The following CLK4 variants were observed in gnomAD, a reference collection of about 807,000 sequenced individuals.
CLK4 encodes CDC like kinase 4.
In CLK4, 37 loss-of-function variants were observed where a neutral mutation model predicts 64.4. The ratio of observed to expected loss-of-function variants is 0.57; its 90% CI spans 0.44 to 0.76. The LOEUF (loss-of-function observed/expected upper bound fraction) is 0.76, where lower values mean the gene tolerates loss of function less well. Among genes scored for constraint, CLK4 ranks in the 30% least tolerant of loss-of-function variants. The pLI is 0.00. For missense variants in CLK4, 457 were observed against 605.1 expected (o/e 0.76, Z 2.57); for synonymous variants, 175 against 191.6 (o/e 0.91, Z 0.72).
At chr5:178,615,606 G>A (rs1400745743) in intron 5 of CLK4, among the ~76,000 whole-genome samples, 1 of 152,196 alleles carries the variant, frequency 6.6e-6, no homozygotes, top group Admixed American at 6.5e-5. Context: ...TATGGATGAT[G>A]GTAGGTATCA....
intron 2 of CLK4, chr5:178,620,167 T>C: frequency 3.5e-6 from 1 of 288,648 alleles, no homozygotes; most frequent in Non-Finnish European, 7.1e-6. Context: ...GTTGTATTTA[T>C]TGGAGAAACA....
chr5:178,624,891 T>C (rs979396444), intron 1 of CLK4, among the ~76,000 whole-genome samples: 1 of 152,144 alleles, frequency 6.6e-6, no homozygotes, highest in African/African-American at 2.4e-5. Flanking sequence ...GCCATCAGAG[T>C]CTGATTGCCA....
chr5:178,605,949 A>G (rs1764461465), intron 10 of CLK4: 1 of 152,206 alleles, frequency 6.6e-6, no homozygotes, highest in Admixed American at 6.5e-5. Flanking sequence ...TTTTGTAAAA[A>G]CAGGCACCAG....
At chr5:178,625,949 A>T (rs530363081) in intron 1 of CLK4, among the ~76,000 whole-genome samples, 2 of 152,346 alleles carry the variant, frequency 1.3e-5, no homozygotes, top group African/African-American at 4.8e-5. Flanking sequence ...ATCTAGAATC[A>T]TGACACTGCC....
chr5:178,607,194 AT>A (rs1764479689), intron 10 of CLK4, among the ~76,000 whole-genome samples: 2 of 151,408 alleles, frequency 1.3e-5, no homozygotes, highest in South Asian at 4.2e-4. Context: ...AACCATTTTC[AT>A]TTTGGACCAG....
At chr5:178,625,567 ATC>A in intron 1 of CLK4, among the ~76,000 whole-genome samples, 2 of 152,298 alleles carry the variant, frequency 1.3e-5, no homozygotes, top group Middle Eastern at 6.8e-3. Context: ...GCAAAATCAC[ATC>A]TGATGACCGA....
In CLK4 at chr5:178,603,288, C is replaced by A. The variant is rs1451404570; in HGVS notation, c.*329G>T. Reference sequence around the variant, plus strand: ...AAGAATATAAAGTAGTCAAGATTTCCTTTTACTCAAAAAAAATCACTTCAG... The same window carrying A: ...AAGAATATAAAGTAGTCAAGATTTCATTTTACTCAAAAAAAATCACTTCAG... On this transcript the variant is annotated 3_prime_UTR_variant, in exon 13 of 13. Coordinates refer to ENST00000316308, the MANE Select transcript of CLK4 (RefSeq NM_020666.3). The A allele has an allele frequency of 6.1e-6, 1 of 163,154 alleles. No individual in the cohort carries two copies. Among genetic ancestry groups the A allele is most frequent in the Non-Finnish European group, 1.3e-5 (1 of 75,386 alleles). The allele number at this position is 163,154 out of a possible 1,614,324, so 10.1% of individuals were successfully genotyped here. A position where few individuals can be genotyped will look rare whatever the true frequency, so the allele number is the denominator to read the frequency against.
At chr5:178,603,778 T>A (rs1274238439) in intron 12 of CLK4, 21 bp from the exon 13 acceptor site, 1 of 1,578,882 alleles carries the variant, frequency 6.3e-7, no homozygotes, top group Non-Finnish European at 8.6e-7. Context: ...AATGTTTTTG[T>A]TTTAAAAAAA....
At chr5:178,615,603 G>T (rs1191788419) in intron 5 of CLK4, among the ~76,000 whole-genome samples, 1 of 152,214 alleles carries the variant, frequency 6.6e-6, no homozygotes, top group African/African-American at 2.4e-5. Flanking sequence ...GTTTATGGAT[G>T]ATGGTAGGTA....
intron 3 of CLK4, chr5:178,618,016 G>A (rs1764648322): frequency 6.7e-6 from 1 of 149,070 alleles, no homozygotes; most frequent in South Asian, 2.1e-4. Context: ...ATGTCTGAGT[G>A]TTAAAAAAAA....
intron 11 of CLK4, 124 bp from the exon 12 acceptor site, chr5:178,604,058 G>T: frequency 1.7e-6 from 1 of 605,522 alleles, no homozygotes. Flanking sequence ...TAATATAGAT[G>T]CATACAATTT....
intron 3 of CLK4, 157 bp downstream of exon 3, chr5:178,618,397 TTG>T (rs1324176732): frequency 3.9e-6 from 1 of 254,342 alleles, no homozygotes; most frequent in Non-Finnish European, 7.1e-6. Context: ...CTACAAGAAT[TTG>T]GAGGTTTCCT....
rs1764452037 is a variant in CLK4, at chr5:178,605,314, AATC to A, written c.1200_1202del (p.Met400del). The stretch of plus-strand genomic sequence containing the variant: ...ATCTTAAAACATACCTTGTTTTCTG[AATC>A]ATGTGTTGTGGTATGGGTCCTAATA... On this transcript the variant is annotated inframe_deletion, in exon 11 of 13. Coordinates refer to ENST00000316308, the MANE Select transcript of CLK4 (RefSeq NM_020666.3). 1 of 1,580,244 alleles carries A rather than the reference AATC, an allele frequency of 6.3e-7. No individual in the cohort carries two copies. Among genetic ancestry groups the A allele is most frequent in the Non-Finnish European group, 8.6e-7 (1 of 1,166,654 alleles).
intron 1 of CLK4, among the ~76,000 whole-genome samples, 149 bp downstream of exon 1, chr5:178,626,794 TGCC>T: frequency 6.6e-6 from 1 of 152,208 alleles, no homozygotes; most frequent in South Asian, 2.1e-4. Context: ...CTTTCGGTGC[TGCC>T]GGCGTGCACC....
In CLK4 at chr5:178,617,201, GAAGA is replaced by G. The variant is rs1447118908; in HGVS notation, c.475+139_475+142del. On this transcript the variant is annotated intron_variant, in intron 4 of 12. Transcript: ENST00000316308. The surrounding 1 kb of genome is among the most constrained non-coding windows in gnomAD (Gnocchi z 5.2). ...AGAAATATTTAAATTCTACAGAAAA[GAAGA>G]AATATAAAAGAACAAACAAACCCAC... 11 of 683,456 alleles carry G rather than the reference GAAGA, an allele frequency of 1.6e-5. No individual in the cohort carries two copies. Among genetic ancestry groups the G allele is most frequent in the Admixed American group, 2.8e-5 (1 of 35,184 alleles). 42.3% of individuals were successfully genotyped at this position (683,456 alleles called of 1,614,324 possible). A position where few individuals can be genotyped will look rare whatever the true frequency, so the allele number is the denominator to read the frequency against.
At chr5:178,619,047 T>C (rs775654201) in intron 2 of CLK4, among the ~76,000 whole-genome samples, 1 of 152,196 alleles carries the variant, frequency 6.6e-6, no homozygotes, top group Non-Finnish European at 1.5e-5. Flanking sequence ...ATGTCTAGTG[T>C]TTACTTGATT....
intron 11 of CLK4, 121 bp downstream of exon 11, chr5:178,605,182 A>T: frequency 1.9e-6 from 1 of 526,886 alleles, no homozygotes; most frequent in South Asian, 4.0e-5. Context: ...AGTACAGAAA[A>T]AAAAAAAAAA....
chr5:178,618,132 C>T (rs1764651349), intron 3 of CLK4: 1 of 151,768 alleles, frequency 6.6e-6, no homozygotes, highest in Non-Finnish European at 1.5e-5. Context: ...GAACTATGCT[C>T]TATGCAGGTT....
Position 178,603,777 on chromosome 5 carries a change from G to C in CLK4, c.1306-20C>G, listed in dbSNP as rs1451589562. The C allele has an allele frequency of 4.4e-6, 7 of 1,577,784 alleles. No homozygotes were observed. The highest frequency in any genetic ancestry group is 3.4e-4 in the Middle Eastern group (2 of 5,808). On this transcript the variant is annotated intron_variant, in intron 12 of 12. Coordinates refer to ENST00000316308, the MANE Select transcript of CLK4 (RefSeq NM_020666.3). ...AAATTCCTGGGGGAGAAATGTTTTT[G>C]TTTTAAAAAAAATTATTAATAGTGC... is the stretch of plus-strand genomic sequence containing the variant.
Sources: allele counts gnomAD v4.1 joint callset (sites outside exome capture counted in the v4.1 genomes callset), GRCh38; gene constraint gnomAD v4.1.1; non-coding constraint Gnocchi (gnomAD v3.1); transcripts MANE v1.5; gene names NCBI Gene and HGNC (gene_info 2026-07-23, HGNC 2026-07-21).